The following SELPLG variants were observed in gnomAD, a reference collection of about 807,000 sequenced individuals.
SELPLG encodes selectin P ligand, also known as P-selectin glycoprotein ligand 1.
A neutral mutation model predicts 1.1 loss-of-function variants in SELPLG; 2 were observed. The ratio of observed to expected loss-of-function variants is 1.82; its 90% CI spans 0.74 to 5.71. The LOEUF (loss-of-function observed/expected upper bound fraction) is 5.71. Ranked by LOEUF, SELPLG falls within the 30% of genes most tolerant of loss-of-function variation. The pLI, the probability that SELPLG is intolerant of heterozygous loss-of-function variation, is 0.05. For synonymous variants in SELPLG, 230 were observed against 221.2 expected (o/e 1.04, Z -0.35); for missense variants, 478 against 524.7 (o/e 0.91, Z 0.87).
Position 108,624,005 on chromosome 12 carries a change from C to A in SELPLG, c.303G>T (p.Glu101Asp). The A allele has an allele frequency of 6.2e-7, 1 of 1,614,222 alleles. No homozygotes were observed. Among genetic ancestry groups the A allele is most frequent in the Non-Finnish European group, 8.5e-7 (1 of 1,180,040 alleles). Reference protein sequence around the residue: ...TGLDAGGAVTELTTELANMGN... With the variant: ...TGLDAGGAVTDLTTELANMGN... ...CCATGTTGGCCAGCTCCGTGGTCAG[C>A]TCTGTGACTGCCCCTCCTGCATCCA... is the stretch of plus-strand genomic sequence containing the variant. Residue 101 changes from glutamate to aspartate, a missense_variant, in exon 2 of 2, where the codon GAG (glutamate) becomes GAT (aspartate). Transcript: ENST00000550948.
chr12:108,623,508 C>T lies in SELPLG; in HGVS notation c.800G>A (p.Ser267Asn), dbSNP rs369545878. ...TTCCATGGACAGGGCCTCTGTGGCA[C>T]TGGGTTCTGTGGACAGGGCCTCCAT... ...AAMEALSTEPSATEALSMEPT... is the reference protein window; with the variant it reads ...AAMEALSTEPNATEALSMEPT... Residue 267 changes from serine (S) to asparagine (N), a missense_variant, in exon 2 of 2, where the codon AGT becomes AAT. Coordinates refer to ENST00000550948, the MANE Select transcript of SELPLG (RefSeq NM_003006.4). 3.1e-6 allele frequency: 5 copies of T among 1,614,196 alleles called. No individual in the cohort carries two copies. In the East Asian group the frequency reaches 6.7e-5, roughly 22 times the overall value.
At position 108,623,387 on chromosome 12, in the gene SELPLG, G is replaced by A. The variant is rs372293068; in HGVS notation, c.921C>T (p.Tyr307=). ...PMAASNLSVN[Y]PVGAPDHISV... is the part of the protein sequence containing the mutation. ...AGATGTGGTCTGGGGCCCCCACTGGGTAGTTGACGGACAAATTGCTGGCTG... is the reference window on the plus strand; with the variant it reads ...AGATGTGGTCTGGGGCCCCCACTGGATAGTTGACGGACAAATTGCTGGCTG... Residue 307 remains tyrosine (Y), a synonymous_variant, in exon 2 of 2, where the codon TAC becomes TAT. Transcript: ENST00000550948. The A allele has an allele frequency of 1.0e-4, 169 of 1,614,140 alleles. No homozygotes were observed. The highest frequency in any genetic ancestry group is 1.4e-4 in the Non-Finnish European group (169 of 1,180,048).
chr12:108,623,438 A>T lies in SELPLG; in HGVS notation c.870T>A (p.Ser290=). 1.2e-6 allele frequency: 2 copies of T among 1,614,254 alleles called. No individual in the cohort carries two copies. Among genetic ancestry groups the T allele is most frequent in the Non-Finnish European group, 1.7e-6 (2 of 1,180,034 alleles). ...CCATGGGAATGCCCTTGTGAGTAAC[A>T]GAGGACACAGAAAAGGGTATGAACA... The part of the protein sequence containing the change: ...RGLFIPFSVS[S]VTHKGIPMAA... The change falls in exon 2 of 2, where the codon TCT becomes TCA. Residue 290 remains serine (S), a synonymous_variant. Coordinates refer to ENST00000550948, the MANE Select transcript of SELPLG (RefSeq NM_003006.4).
chr12:108,624,686 C>CA (rs1555212127), intron 1 of SELPLG, among the ~76,000 whole-genome samples: 4 of 143,002 alleles, frequency 2.8e-5, no homozygotes, highest in African/African-American at 8.1e-5. Flanking sequence ...CATGTCACTC[C>CA]TTTTTTCTTT....
intron 1 of SELPLG, among the ~76,000 whole-genome samples, 174 bp downstream of exon 1, chr12:108,633,566 G>C (rs974331158): frequency 6.6e-6 from 1 of 152,186 alleles, no homozygotes; most frequent in African/African-American, 2.4e-5. Flanking sequence ...TAAGGCCACA[G>C]ACTCCAGGAA....
intron 1 of SELPLG, chr12:108,631,757 G>C (rs2032058422): frequency 1.2e-6 from 1 of 863,858 alleles, no homozygotes; most frequent in African/African-American, 1.7e-5. Context: ...AATTCAATGA[G>C]ACCTACATCT....
At chr12:108,627,182 A>G (rs2031952335) in intron 1 of SELPLG, among the ~76,000 whole-genome samples, 1 of 152,224 alleles carries the variant, frequency 6.6e-6, no homozygotes, top group Non-Finnish European at 1.5e-5. Context: ...AATTATCCCC[A>G]TTTTACCAAG....
chr12:108,632,982 C>T (rs1397597280), intron 1 of SELPLG, among the ~76,000 whole-genome samples: 1 of 152,102 alleles, frequency 6.6e-6, no homozygotes, highest in Non-Finnish European at 1.5e-5. Flanking sequence ...GCGTCCATAA[C>T]ATGCAGCTTC....
intron 1 of SELPLG, among the ~76,000 whole-genome samples, chr12:108,629,194 C>T (rs2136767804): frequency 6.6e-6 from 1 of 152,236 alleles, no homozygotes; most frequent in Middle Eastern, 3.4e-3. Context: ...AAAGCCCAGA[C>T]CTCCTTTCCT....
intron 1 of SELPLG, chr12:108,631,892 C>T (rs111771382): frequency 3.9e-6 from 6 of 1,535,582 alleles, no homozygotes; most frequent in African/African-American, 1.4e-5. Flanking sequence ...CCACTGGCCC[C>T]CACTGCCATC....
At chr12:108,630,999 A>G (rs180981870) in intron 1 of SELPLG, among the ~76,000 whole-genome samples, 1,529 of 152,182 alleles carry the variant, frequency 0.01, 31 homozygotes, top group Non-Finnish European at 0.012. Flanking sequence ...TGCCCCCACC[A>G]GACCACAAGT....
chr12:108,629,748 C>T (rs889393446), intron 1 of SELPLG, among the ~76,000 whole-genome samples: 1 of 151,916 alleles, frequency 6.6e-6, no homozygotes, highest in African/African-American at 2.4e-5. Flanking sequence ...AAAGAAAACC[C>T]GAGGCTCTGA....
In SELPLG at chr12:108,623,244, C is replaced by T. The variant is rs367836641; in HGVS notation, c.1064G>A (p.Arg355His). The T allele has an allele frequency of 1.7e-4, 271 of 1,610,438 alleles. No homozygotes were observed. Among genetic ancestry groups the T allele is most frequent in the Non-Finnish European group, 2.1e-4 (253 of 1,178,158 alleles). Residue 355 changes from arginine (R) to histidine (H), a missense_variant, in exon 2 of 2, where the codon CGT becomes CAT. Transcript: ENST00000550948. Reference protein sequence around the residue: ...LSRKGHMYPVRNYSPTEMVCI... With the variant: ...LSRKGHMYPVHNYSPTEMVCI... ...GACCATCTCGGTGGGGGAGTAATTA[C>T]GCACGGGGTACATGTGGCCCTTGCG...
At chr12:108,631,969 T>A in intron 1 of SELPLG, 1 of 1,532,068 alleles carries the variant, frequency 6.5e-7, no homozygotes, top group Non-Finnish European at 8.7e-7. Flanking sequence ...TCCATGGGCA[T>A]CCTGCAGCCA....
chr12:108,623,862 G>A lies in SELPLG; in HGVS notation c.446C>T (p.Thr149Ile). ...CGTCAGTCGAGTTGTCTGTGCCTCT[G>A]TGGCTGCCAGTGGAGTGGTCTGTGC... The part of the protein sequence containing the change: ...TEAQTTPLAA[T>I]EAQTTRLTAT... Residue 149 changes from threonine (T) to isoleucine (I), a missense_variant, in exon 2 of 2, where the codon ACA becomes ATA. Transcript: ENST00000550948. 1.9e-6 allele frequency: 3 copies of A among 1,560,358 alleles called. No individual in the cohort carries two copies. The highest frequency in any genetic ancestry group is 2.6e-6 in the Non-Finnish European group (3 of 1,150,756).
chr12:108,630,200 C>G (rs2032021117), intron 1 of SELPLG, among the ~76,000 whole-genome samples: 1 of 152,292 alleles, frequency 6.6e-6, no homozygotes, highest in Middle Eastern at 3.4e-3. Flanking sequence ...GCCTCTTTCG[C>G]CCTAAAACCA....
rs531186284 is a variant in SELPLG, at chr12:108,622,856, G to A, written c.*213C>T. The A allele has an allele frequency of 4.8e-5, 24 of 498,404 alleles. No homozygotes were observed. The highest frequency in any genetic ancestry group is 9.2e-5 in the East Asian group (3 of 32,718). The allele number at this position is 498,404 out of a possible 1,614,324, so 30.9% of individuals were successfully genotyped here. ...GCTGAAATGTGGCTGGGCTTCATCCGCGGAGGGAGGAAAGAGGTGGCTCCA... is the reference window on the plus strand; with the variant it reads ...GCTGAAATGTGGCTGGGCTTCATCCACGGAGGGAGGAAAGAGGTGGCTCCA... On this transcript the variant is annotated 3_prime_UTR_variant, in exon 2 of 2. Transcript: ENST00000550948.
intron 1 of SELPLG, chr12:108,632,021 C>A: frequency 2.6e-6 from 3 of 1,152,512 alleles, no homozygotes; most frequent in Non-Finnish European, 2.5e-6. Context: ...CCCTTCAAGC[C>A]TCAGTTTTCT....
At position 108,622,857 on chromosome 12, in the gene SELPLG, C is replaced by T. The variant is rs549781358; in HGVS notation, c.*212G>A. 6 of 501,294 alleles carry T rather than the reference C, an allele frequency of 1.2e-5. No individual in the cohort carries two copies. The highest frequency in any genetic ancestry group is 1.9e-5 in the African/African-American group (1 of 52,156). The allele number at this position is 501,294 out of a possible 1,614,324, so 31.1% of individuals were successfully genotyped here. A position where few individuals can be genotyped will look rare whatever the true frequency, so the allele number is the denominator to read the frequency against. On this transcript the variant is annotated 3_prime_UTR_variant, in exon 2 of 2. Transcript: ENST00000550948. ...CTGAAATGTGGCTGGGCTTCATCCG[C>T]GGAGGGAGGAAAGAGGTGGCTCCAC...
Sources: allele counts gnomAD v4.1 joint callset (sites outside exome capture counted in the v4.1 genomes callset), GRCh38; gene constraint gnomAD v4.1.1; transcripts MANE v1.5; gene names NCBI Gene and HGNC (gene_info 2026-07-23, HGNC 2026-07-21).